Variants in CD38 observed in about 807,000 individuals in gnomAD.
CD38 encodes the protein ADP-ribosyl cyclase/cyclic ADP-ribose hydrolase 1.
A neutral mutation model predicts 36.3 loss-of-function variants in CD38; 31 were observed. The ratio of observed to expected loss-of-function variants is 0.85; its 90% CI spans 0.64 to 1.15. The LOEUF (loss-of-function observed/expected upper bound fraction) is 1.15, where lower values mean the gene tolerates loss of function less well. Among genes scored for constraint, CD38 ranks in the 50% most tolerant of loss-of-function variants. The pLI, the probability that CD38 is intolerant of heterozygous loss-of-function variation, is 0.00. For synonymous variants in CD38, 131 were observed against 135.2 expected (o/e 0.97, Z 0.22); for missense variants, 380 against 371.9 (o/e 1.02, Z -0.18).
rs1724187489 is a variant in CD38, at chr4:15,840,673, C to T, written c.839+135C>T. On this transcript the variant is annotated intron_variant, in intron 7 of 7. Transcript: ENST00000226279. ...CTTGATGATGATCACAGATGGCAAC[C>T]TCTGGTGATCTCTGTCCCTCCTTCC... 12 of 600,286 alleles carry T rather than the reference C, an allele frequency of 2.0e-5. No individual in the cohort carries two copies. The South Asian group carries it at 2.1e-4, about 10-fold the overall frequency. The allele number at this position is 600,286 out of a possible 1,614,324, so 37.2% of individuals were successfully genotyped here.
chr4:15,780,536 A>ACACACACACACACG (rs1722672676), intron 1 of CD38, among the ~76,000 whole-genome samples: 2 of 148,688 alleles, frequency 1.3e-5, no homozygotes, highest in Admixed American at 6.7e-5. Flanking sequence ...ACACACACAC[A>ACACACACACACACG]CACACACACA....
At chr4:15,840,383 A>G (rs1379910896) in intron 6 of CD38, 69 bp from the exon 7 acceptor site, 5 of 1,093,518 alleles carry the variant, frequency 4.6e-6, no homozygotes, top group Non-Finnish European at 6.9e-6. Flanking sequence ...GGCGTGCTAC[A>G]AAAACAAAGA....
At chr4:15,791,951 A>C (rs1446023594) in intron 1 of CD38, among the ~76,000 whole-genome samples, 8 of 79,904 alleles carry the variant, frequency 1.0e-4, no homozygotes, top group Admixed American at 7.6e-4. Context: ...GGGATGGGCC[A>C]TGATGACAAT....
chr4:15,783,340 T>A (rs1007934878), intron 1 of CD38, among the ~76,000 whole-genome samples: 1 of 152,162 alleles, frequency 6.6e-6, no homozygotes, highest in South Asian at 2.1e-4. Context: ...AGAGTGTAAC[T>A]TCAGTTCCAC....
At chr4:15,786,215 C>T (rs914751508) in intron 1 of CD38, among the ~76,000 whole-genome samples, 2 of 151,936 alleles carry the variant, frequency 1.3e-5, no homozygotes, top group African/African-American at 4.8e-5. Flanking sequence ...CAATGGGTTG[C>T]CAGTGTTGGC....
At chr4:15,811,660 C>T (rs933294009) in intron 1 of CD38, among the ~76,000 whole-genome samples, 9 of 124,674 alleles carry the variant, frequency 7.2e-5, no homozygotes, top group African/African-American at 3.4e-4. Context: ...AATGTGCTTG[C>T]TGCCTGACAG....
chr4:15,780,946 T>C (rs1433512904), intron 1 of CD38, among the ~76,000 whole-genome samples: 1 of 152,070 alleles, frequency 6.6e-6, no homozygotes, highest in Non-Finnish European at 1.5e-5. Flanking sequence ...CCGTCTCTAC[T>C]AAAAATACAA....
At chr4:15,791,790 G>A (rs1333263026) in intron 1 of CD38, among the ~76,000 whole-genome samples, 2 of 77,734 alleles carry the variant, frequency 2.6e-5, no homozygotes, top group African/African-American at 1.5e-4. Context: ...CGCCCCGTCC[G>A]GGAGGGAGGT....
intron 2 of CD38, among the ~76,000 whole-genome samples, chr4:15,822,847 T>G (rs1346952858): frequency 6.6e-6 from 1 of 152,166 alleles, no homozygotes; most frequent in Non-Finnish European, 1.5e-5. Flanking sequence ...AAAATTCATA[T>G]GGAACCAAAA....
Position 15,778,686 on chromosome 4 carries a change from G to A in CD38, c.233+39G>A, listed in dbSNP as rs774050820. On this transcript the variant is annotated intron_variant, in intron 1 of 7. Coordinates refer to ENST00000226279, the MANE Select transcript of CD38 (RefSeq NM_001775.4). The surrounding 1 kb of genome is among the most constrained non-coding windows in gnomAD (Gnocchi z 4.9). ...TAAGGCGCACCGGTGGGCACTGCGG[G>A]GACAGCAGGGCCCCGCGCGCAGGGA... 1.4e-6 allele frequency: 2 copies of A among 1,394,376 alleles called. No homozygotes were observed. Among genetic ancestry groups the A allele is most frequent in the Non-Finnish European group, 2.0e-6 (2 of 986,514 alleles). The allele number at this position is 1,394,376 out of a possible 1,614,324, so 86.4% of individuals were successfully genotyped here.
intron 1 of CD38, among the ~76,000 whole-genome samples, chr4:15,786,202 C>T (rs538957267): frequency 5.3e-5 from 8 of 152,180 alleles, no homozygotes; most frequent in Non-Finnish European, 8.8e-5. Context: ...TAGAACGGGA[C>T]GCCAATGGGT....
intron 7 of CD38, among the ~76,000 whole-genome samples, chr4:15,847,740 C>CTCTT (rs1724294868): frequency 6.6e-6 from 1 of 151,790 alleles, no homozygotes; most frequent in Non-Finnish European, 1.5e-5. Context: ...ATCCCCAATA[C>CTCTT]TCTTTTACCT....
At chr4:15,799,651 G>A (rs1186663224) in intron 1 of CD38, among the ~76,000 whole-genome samples, 1 of 152,092 alleles carries the variant, frequency 6.6e-6, no homozygotes, top group East Asian at 1.9e-4. Context: ...CATTTGGCTT[G>A]TAGTCACTTT....
At chr4:15,837,042 T>C (rs1724082286) in intron 4 of CD38, among the ~76,000 whole-genome samples, 1 of 152,254 alleles carries the variant, frequency 6.6e-6, no homozygotes, top group Admixed American at 6.5e-5. Flanking sequence ...ATGGGCACTT[T>C]ATAGTTTTTG....
Position 15,778,699 on chromosome 4 carries a change from C to A in CD38, c.233+52C>A. 7.5e-7 allele frequency: 1 copy of A among 1,328,864 alleles called. No homozygotes were observed. The highest frequency in any genetic ancestry group is 1.1e-6 in the Non-Finnish European group (1 of 938,372). The allele number at this position is 1,328,864 out of a possible 1,614,324, so 82.3% of individuals were successfully genotyped here. ...TGGGCACTGCGGGGACAGCAGGGCC[C>A]CGCGCGCAGGGAAGCCGCCCGGATC... On this transcript the variant is annotated intron_variant, in intron 1 of 7. Coordinates refer to ENST00000226279, the MANE Select transcript of CD38 (RefSeq NM_001775.4). The surrounding 1 kb of genome is among the most constrained non-coding windows in gnomAD (Gnocchi z 4.9).
Position 15,778,738 on chromosome 4 carries a change from C to T in CD38, c.233+91C>T, listed in dbSNP as rs1722617462. 5 of 913,520 alleles carry T rather than the reference C, an allele frequency of 5.5e-6. No homozygotes were observed. The highest frequency in any genetic ancestry group is 8.4e-6 in the Non-Finnish European group (5 of 595,806). The allele number at this position is 913,520 out of a possible 1,614,324, so 56.6% of individuals were successfully genotyped here. On this transcript the variant is annotated intron_variant, in intron 1 of 7. Coordinates refer to ENST00000226279, the MANE Select transcript of CD38 (RefSeq NM_001775.4). This position sits in a 1 kb window ranked among gnomAD's most constrained non-coding sequence, Gnocchi z 4.9. ...GCCGCCCGGATCGCCCGGAACCGGG[C>T]ATCTTCCGTGGCGGGTCAGCCGAGA...
intron 3 of CD38, among the ~76,000 whole-genome samples, chr4:15,832,482 A>G (rs1723978435): frequency 6.6e-6 from 1 of 152,284 alleles, no homozygotes; most frequent in African/African-American, 2.4e-5. Context: ...AAGCCTAGTA[A>G]TGCTGTGGGT....
chr4:15,809,428 C>T (rs888095021), intron 1 of CD38, among the ~76,000 whole-genome samples: 5 of 152,152 alleles, frequency 3.3e-5, no homozygotes, highest in African/African-American at 4.8e-5. Flanking sequence ...GAAGGGGTTT[C>T]GTTAGGTTAC....
intron 2 of CD38, among the ~76,000 whole-genome samples, chr4:15,820,668 G>A (rs1392626187): frequency 6.6e-6 from 1 of 151,910 alleles, no homozygotes; most frequent in Admixed American, 6.6e-5. Context: ...GCCCAATACA[G>A]GAACACCGAG....
Sources: gnomAD v4.1 joint callset for allele counts (sites outside exome capture counted in the v4.1 genomes callset) on GRCh38, gnomAD v4.1.1 for gene constraint, Gnocchi (gnomAD v3.1) non-coding constraint, MANE v1.5 for transcripts, NCBI Gene and HGNC (gene_info 2026-07-23, HGNC 2026-07-21) for gene names.